Variants in GRIK2 observed in about 807,000 individuals in gnomAD.
GRIK2 encodes the protein glutamate receptor ionotropic, kainate 2.
In GRIK2, 32 loss-of-function variants were observed where a neutral mutation model predicts 100.3. That is an observed-to-expected ratio of 0.32 (90% confidence interval 0.24 to 0.43). The LOEUF is 0.43. GRIK2 is among the 20% of genes least tolerant of loss of function. The probability of loss-of-function intolerance (pLI) is 1.00; values close to 1 mark genes in which losing one functional copy is unlikely to be tolerated. For missense variants in GRIK2, 843 were observed against 1,114.9 expected (o/e 0.76, Z 3.47); for synonymous variants, 417 against 389.4 (o/e 1.07, Z -0.83).
chr6:101,745,035 A>C (rs1290521444), intron 7 of GRIK2: 2 of 151,960 alleles, frequency 1.3e-5, no homozygotes, highest in African/African-American at 2.4e-5. Flanking sequence ...AACTAAAGGG[A>C]AATTATTTAT....
intron 2 of GRIK2, among the ~76,000 whole-genome samples, chr6:101,411,043 A>G (rs1361164601): frequency 6.6e-6 from 1 of 152,042 alleles, no homozygotes; most frequent in Non-Finnish European, 1.5e-5. Flanking sequence ...TATATGAAGA[A>G]TATTTTTGAA....
At chr6:101,430,257 T>C (rs1057497766) in intron 2 of GRIK2, among the ~76,000 whole-genome samples, 1 of 152,198 alleles carries the variant, frequency 6.6e-6, no homozygotes, top group Non-Finnish European at 1.5e-5. Context: ...AAAGTCAAAA[T>C]CAGCAGCAAG....
At chr6:101,750,959 A>G (rs889292143) in intron 7 of GRIK2, among the ~76,000 whole-genome samples, 2 of 152,218 alleles carry the variant, frequency 1.3e-5, no homozygotes, top group Non-Finnish European at 2.9e-5. Context: ...AAATTCTCTC[A>G]TCATTGTGAG....
At chr6:101,618,098 C>A (rs1391543226) in intron 2 of GRIK2, among the ~76,000 whole-genome samples, 2 of 151,438 alleles carry the variant, frequency 1.3e-5, no homozygotes, top group African/African-American at 4.8e-5. Flanking sequence ...TTATAAGCAT[C>A]ACTTTTTGTT....
At chr6:102,043,668 A>G (rs1770720784) in intron 15 of GRIK2, among the ~76,000 whole-genome samples, 1 of 151,944 alleles carries the variant, frequency 6.6e-6, no homozygotes, top group African/African-American at 2.4e-5. Context: ...CATTATAAAT[A>G]TAAGGTTGAT....
chr6:101,868,936 T>A (rs1020022296), intron 11 of GRIK2, among the ~76,000 whole-genome samples: 1 of 151,900 alleles, frequency 6.6e-6, no homozygotes, highest in African/African-American at 2.4e-5. Context: ...ATTAAATACA[T>A]TTTATATACT....
intron 10 of GRIK2, among the ~76,000 whole-genome samples, chr6:101,851,913 A>T (rs547414207): frequency 6.6e-6 from 1 of 150,694 alleles, no homozygotes; most frequent in African/African-American, 2.4e-5. Flanking sequence ...TAAGTGGTCC[A>T]GCAGTCAGCC....
At chr6:101,787,630 A>G (rs1020062147) in intron 7 of GRIK2, among the ~76,000 whole-genome samples, 1 of 151,954 alleles carries the variant, frequency 6.6e-6, no homozygotes. Context: ...CTTGTTATTG[A>G]TTTCTATTTT....
chr6:101,598,157 C>T (rs995699960), intron 2 of GRIK2, among the ~76,000 whole-genome samples: 8 of 151,736 alleles, frequency 5.3e-5, no homozygotes, highest in Admixed American at 4.6e-4. Flanking sequence ...CTCTTTCCTT[C>T]TGCATTTTCA....
intron 7 of GRIK2, among the ~76,000 whole-genome samples, chr6:101,785,816 T>C (rs886950539): frequency 6.6e-6 from 1 of 152,150 alleles, no homozygotes; most frequent in Non-Finnish European, 1.5e-5. Flanking sequence ...TTTGGTTCCA[T>C]ATGAATTTTA....
intron 11 of GRIK2, among the ~76,000 whole-genome samples, chr6:101,873,509 A>G (rs1000264549): frequency 4.0e-5 from 6 of 151,780 alleles, no homozygotes; most frequent in Non-Finnish European, 4.4e-5. Context: ...TGGACATTTG[A>G]GTTGGTTCCT....
intron 12 of GRIK2, among the ~76,000 whole-genome samples, chr6:101,913,723 A>AT (rs1398961874): frequency 2.6e-5 from 4 of 151,430 alleles, no homozygotes; most frequent in Non-Finnish European, 4.4e-5. Context: ...ATAAAGGAAC[A>AT]TTTTTCCTGG....
At chr6:101,729,330 A>G (rs1178546730) in intron 7 of GRIK2, among the ~76,000 whole-genome samples, 2 of 152,026 alleles carry the variant, frequency 1.3e-5, no homozygotes, top group Admixed American at 6.6e-5. Flanking sequence ...GTATCAATCT[A>G]TGCATCTACC....
intron 14 of GRIK2, among the ~76,000 whole-genome samples, chr6:102,016,026 G>C (rs764252782): frequency 9.2e-5 from 14 of 152,082 alleles, no homozygotes; most frequent in Non-Finnish European, 1.6e-4. Flanking sequence ...TTTAACTACT[G>C]AAGGAACATC....
chr6:101,965,448 C>T (rs888673458), intron 14 of GRIK2, among the ~76,000 whole-genome samples: 3 of 152,156 alleles, frequency 2.0e-5, no homozygotes, highest in African/African-American at 7.2e-5. Flanking sequence ...AGTCTATCTT[C>T]AGCTTTATCT....
chr6:101,413,396 T>C (rs1206847471), intron 2 of GRIK2, among the ~76,000 whole-genome samples: 1 of 152,136 alleles, frequency 6.6e-6, no homozygotes, highest in Non-Finnish European at 1.5e-5. Context: ...ATTAACTCTT[T>C]CAATTTCATT....
intron 14 of GRIK2, among the ~76,000 whole-genome samples, chr6:101,998,695 G>A (rs942948316): frequency 3.3e-5 from 5 of 151,526 alleles, no homozygotes; most frequent in South Asian, 4.1e-4. Flanking sequence ...TTTCCTTAAT[G>A]TATAATGTTA....
At chr6:102,022,849 A>C (rs1769502823) in intron 14 of GRIK2, among the ~76,000 whole-genome samples, 1 of 151,556 alleles carries the variant, frequency 6.6e-6, no homozygotes, top group African/African-American at 2.4e-5. Context: ...TTTCTTTTTT[A>C]ATCTTTAGCA....
intron 14 of GRIK2, among the ~76,000 whole-genome samples, chr6:102,015,991 G>GA (rs933523690): frequency 7.3e-5 from 11 of 151,436 alleles, no homozygotes; most frequent in Admixed American, 2.0e-4. Context: ...TAGGATAAAA[G>GA]AAAAAAAATC....
Sources: allele counts gnomAD v4.1 joint callset (sites outside exome capture counted in the v4.1 genomes callset), GRCh38; gene constraint gnomAD v4.1.1; transcripts MANE v1.5; gene names NCBI Gene and HGNC (gene_info 2026-07-23, HGNC 2026-07-21).